The following PSAP variants were observed in gnomAD, a reference collection of about 807,000 sequenced individuals.
PSAP encodes the protein prosaposin, also known as precursor of saposins.
In PSAP, 25 loss-of-function variants were observed where a neutral mutation model predicts 66.0. The observed-to-expected ratio is 0.38, with a 90% CI of 0.28 to 0.53. The LOEUF is 0.53. Among genes scored for constraint, PSAP ranks in the 20% least tolerant of loss-of-function variants. The probability of loss-of-function intolerance (pLI) is 0.83; values close to 1 mark genes in which losing one functional copy is unlikely to be tolerated. For synonymous variants in PSAP, 273 were observed against 258.9 expected (o/e 1.05, Z -0.52); for missense variants, 649 against 668.8 (o/e 0.97, Z 0.33).
At position 71,821,859 on chromosome 10, in the gene PSAP, A is replaced by C. The variant is rs1407131075; in HGVS notation, c.909+17T>G. Reference sequence around the variant, plus strand: ...CATTGCACAGCCCTGACCAGGACACAAAGTGACACCAGGTACCTTAATGGG... The same window carrying C: ...CATTGCACAGCCCTGACCAGGACACCAAGTGACACCAGGTACCTTAATGGG... On this transcript the variant is annotated intron_variant, in intron 8 of 13. Transcript: ENST00000394936. 1 of 1,614,064 alleles carries C rather than the reference A, an allele frequency of 6.2e-7. No homozygotes were observed. Among genetic ancestry groups the C allele is most frequent in the African/African-American group, 1.3e-5 (1 of 74,926 alleles).
rs1842185571 is a variant in PSAP, at chr10:71,817,245, G to A, written c.*196C>T. On this transcript the variant is annotated 3_prime_UTR_variant, in exon 14 of 14. Coordinates refer to ENST00000394936, the MANE Select transcript of PSAP (RefSeq NM_002778.4). ...ATCTAGCAGAGAGAAAAGGGGCACT[G>A]AAGCAGCTATGTCTGCCAGGGGCTA... The A allele has an allele frequency of 5.7e-6, 4 of 704,720 alleles. No individual in the cohort carries two copies. Among genetic ancestry groups the A allele is most frequent in the Non-Finnish European group, 1.0e-5 (4 of 391,458 alleles). 43.7% of individuals were successfully genotyped at this position (704,720 alleles called of 1,614,324 possible). A position where few individuals can be genotyped will look rare whatever the true frequency, so the allele number is the denominator to read the frequency against.
chr10:71,821,863 T>C lies in PSAP; in HGVS notation c.909+13A>G. On this transcript the variant is annotated intron_variant, in intron 8 of 13. Transcript: ENST00000394936. ...GCACAGCCCTGACCAGGACACAAAG[T>C]GACACCAGGTACCTTAATGGGCTCC... The C allele has an allele frequency of 6.2e-7, 1 of 1,614,060 alleles. No homozygotes were observed. The highest frequency in any genetic ancestry group is 1.1e-5 in the South Asian group (1 of 91,076).
intron 1 of PSAP, among the ~76,000 whole-genome samples, chr10:71,837,161 CT>C (rs1306958051): frequency 3.3e-5 from 5 of 152,230 alleles, no homozygotes; most frequent in African/African-American, 1.2e-4. Flanking sequence ...TAGAAAGTGC[CT>C]TCTTAGCAAG....
intron 7 of PSAP, among the ~76,000 whole-genome samples, chr10:71,823,345 G>A (rs1167432318): frequency 1.3e-5 from 2 of 152,220 alleles, no homozygotes; most frequent in Non-Finnish European, 2.9e-5. Flanking sequence ...CCACAATCAA[G>A]AGATTGTTTC....
intron 9 of PSAP, 97 bp from the exon 10 acceptor site, chr10:71,819,997 G>A (rs976781764): frequency 3.7e-5 from 42 of 1,125,222 alleles, no homozygotes; most frequent in Non-Finnish European, 4.7e-5. Context: ...ATGAGTCAAT[G>A]GTGGGTGCCG....
At chr10:71,818,100 C>T (rs1239489963) in intron 13 of PSAP, among the ~76,000 whole-genome samples, 2 of 152,250 alleles carry the variant, frequency 1.3e-5, no homozygotes, top group Admixed American at 1.3e-4. Flanking sequence ...ACCAAACATC[C>T]CCACCCAGGG....
At chr10:71,838,326 C>T (rs1564824221) in intron 1 of PSAP, among the ~76,000 whole-genome samples, 3 of 152,240 alleles carry the variant, frequency 2.0e-5, no homozygotes, top group South Asian at 4.1e-4. Context: ...CCATGAGCAA[C>T]GTGAGCTGCT....
chr10:71,848,067 T>C (rs558364219), intron 1 of PSAP, among the ~76,000 whole-genome samples: 2 of 152,304 alleles, frequency 1.3e-5, no homozygotes, highest in South Asian at 4.1e-4. Context: ...CACGCTCCTT[T>C]TTCCACCAGA....
chr10:71,819,348 T>C (rs1048495909), intron 11 of PSAP, 117 bp downstream of exon 11: 10 of 1,464,350 alleles, frequency 6.8e-6, no homozygotes, highest in Middle Eastern at 2.3e-4. Flanking sequence ...TAAAACTTCA[T>C]TGGACTCCAT....
At position 71,816,596 on chromosome 10, in the gene PSAP, C is replaced by T; in HGVS notation, c.*845G>A. 1 of 413,810 alleles carries T rather than the reference C, an allele frequency of 2.4e-6. No individual in the cohort carries two copies. Among genetic ancestry groups the T allele is most frequent in the Middle Eastern group, 4.5e-4 (1 of 2,232 alleles). The allele number at this position is 413,810 out of a possible 1,614,324, so 25.6% of individuals were successfully genotyped here. On this transcript the variant is annotated 3_prime_UTR_variant, in exon 14 of 14. Transcript: ENST00000394936. ...AAGGTCAAAAGGAGCATCTATGAGA[C>T]AAGGGAGGGGTGCAGGCTGAAGCAG... is the stretch of plus-strand genomic sequence containing the variant.
chr10:71,817,802 A>T (rs1213721872), intron 13 of PSAP, among the ~76,000 whole-genome samples: 3 of 152,030 alleles, frequency 2.0e-5, no homozygotes, highest in African/African-American at 7.2e-5. Flanking sequence ...CTGCACACTA[A>T]CTCCCAGGCA....
intron 1 of PSAP, among the ~76,000 whole-genome samples, chr10:71,842,276 G>A (rs927269868): frequency 6.6e-6 from 1 of 152,152 alleles, no homozygotes; most frequent in Non-Finnish European, 1.5e-5. Flanking sequence ...TAATAATCCA[G>A]CCAGGTGTTA....
chr10:71,831,277 T>A, intron 3 of PSAP, 26 bp from the exon 4 acceptor site: 1 of 1,612,426 alleles, frequency 6.2e-7, no homozygotes, highest in South Asian at 1.1e-5. Context: ...AGGGTCAGAA[T>A]CACGATAGGC....
At chr10:71,851,066 GC>G (rs1432709723) in intron 1 of PSAP, 115 bp downstream of exon 1, 7 of 1,210,356 alleles carry the variant, frequency 5.8e-6, no homozygotes, top group African/African-American at 3.0e-5. Context: ...CAGTGCGCGC[GC>G]CCCCTTGCCA....
chr10:71,847,887 T>C (rs1744304547), intron 1 of PSAP, among the ~76,000 whole-genome samples: 1 of 152,158 alleles, frequency 6.6e-6, no homozygotes, highest in Non-Finnish European at 1.5e-5. Flanking sequence ...TGAAAGAATA[T>C]ATATAACACC....
intron 1 of PSAP, among the ~76,000 whole-genome samples, chr10:71,846,295 C>A (rs1466519985): frequency 6.6e-6 from 1 of 151,770 alleles, no homozygotes; most frequent in Non-Finnish European, 1.5e-5. Flanking sequence ...TCCCAACATA[C>A]AAAATTACAA....
At position 71,819,506 on chromosome 10, in the gene PSAP, C is replaced by G. The variant is rs1842249871; in HGVS notation, c.1309G>C (p.Glu437Gln). ...STKQEILAALEKGCSFLPDPY... is the reference protein window; with the variant it reads ...STKQEILAALQKGCSFLPDPY... Reference sequence around the variant, plus strand: ...TCTGGCAGGAAGCTGCAGCCTTTCTCAAGAGCAGCCAGGATCTCCTGCTTG... The same window carrying G: ...TCTGGCAGGAAGCTGCAGCCTTTCTGAAGAGCAGCCAGGATCTCCTGCTTG... Residue 437 changes from glutamate to glutamine, a missense_variant, in exon 11 of 14, where the codon GAG becomes CAG. Transcript: ENST00000394936. The G allele has an allele frequency of 1.9e-6, 3 of 1,614,250 alleles. No homozygotes were observed. The highest frequency in any genetic ancestry group is 2.5e-6 in the Non-Finnish European group (3 of 1,180,050).
intron 4 of PSAP, 147 bp from the exon 5 acceptor site, chr10:71,829,224 C>T (rs1842463563): frequency 1.2e-6 from 1 of 838,746 alleles, no homozygotes; most frequent in South Asian, 1.4e-5. Context: ...GCTCAGCATA[C>T]CAAGAATGAC....
At chr10:71,819,972 T>C in intron 9 of PSAP, 72 bp from the exon 10 acceptor site, 1 of 1,330,768 alleles carries the variant, frequency 7.5e-7, no homozygotes, top group South Asian at 1.2e-5. Context: ...CTGAAAATAC[T>C]AACATGGCCA....
Sources: gnomAD v4.1 joint callset for allele counts (sites outside exome capture counted in the v4.1 genomes callset) on GRCh38, gnomAD v4.1.1 for gene constraint, MANE v1.5 for transcripts, NCBI Gene and HGNC (gene_info 2026-07-23, HGNC 2026-07-21) for gene names.